The following SNX13 variants were observed in gnomAD, a reference collection of about 807,000 sequenced individuals.
SNX13 encodes the protein sorting nexin 13.
A neutral mutation model predicts 133.6 loss-of-function variants in SNX13; 45 were observed. That is an observed-to-expected ratio of 0.34 (90% CI 0.27 to 0.43). The LOEUF is 0.43. Among genes scored for constraint, SNX13 ranks in the 20% least tolerant of loss-of-function variants. SNX13 has a pLI of 1.00. For synonymous variants in SNX13, 414 were observed against 373.9 expected (o/e 1.11, Z -1.24); for missense variants, 1,032 against 1,145.1 (o/e 0.90, Z 1.43).
rs1033449787 is a variant in SNX13, at chr7:17,883,613, C to A, written c.440+6750G>T. On this transcript the variant is annotated intron_variant, in intron 5 of 25. Transcript: ENST00000428135. ...TTCTGGGATACATGTGCTGAATGTGCACGTTTGTTACACAGGTATACACGT... is the reference window on the plus strand; with the variant it reads ...TTCTGGGATACATGTGCTGAATGTGAACGTTTGTTACACAGGTATACACGT... 2.6e-5 allele frequency among the ~76,000 whole-genome samples: 4 copies of A among 151,986 alleles called. No homozygotes were observed. In the East Asian group the frequency reaches 7.7e-4, roughly 29 times the overall value.
chr7:17,796,233 C>T (rs1292768635), intron 25 of SNX13: 1 of 151,624 alleles, frequency 6.6e-6, no homozygotes, highest in African/African-American at 2.4e-5. Flanking sequence ...ATAGCTATAC[C>T]CTAATGAAGC....
chr7:17,890,606 G>A (rs896953686), intron 4 of SNX13, 122 bp from the exon 5 acceptor site: 1 of 589,928 alleles, frequency 1.7e-6, no homozygotes, highest in East Asian at 3.2e-5. Flanking sequence ...TTAATTTATG[G>A]TGGTAAATAC....
intron 1 of SNX13, among the ~76,000 whole-genome samples, chr7:17,923,294 T>C (rs1208390300): frequency 6.6e-6 from 1 of 152,208 alleles, no homozygotes. Flanking sequence ...TAAAACAGAC[T>C]TGTATATAGA....
intron 7 of SNX13, among the ~76,000 whole-genome samples, chr7:17,874,009 C>G (rs569184416): frequency 6.6e-6 from 1 of 152,100 alleles, no homozygotes; most frequent in Non-Finnish European, 1.5e-5. Context: ...AAGAAAACAC[C>G]TCCATCATCT....
At chr7:17,893,213 T>C in intron 3 of SNX13, 119 bp downstream of exon 3, 6 of 589,558 alleles carry the variant, frequency 1.0e-5, no homozygotes, top group Non-Finnish European at 1.8e-5. Context: ...CTCACATAAA[T>C]TCCCAGTGAG....
intron 1 of SNX13, among the ~76,000 whole-genome samples, chr7:17,927,480 C>T (rs1238308255): frequency 6.6e-6 from 1 of 152,092 alleles, no homozygotes; most frequent in African/African-American, 2.4e-5. Context: ...TGGGCTCAAG[C>T]AATCCTTTCA....
chr7:17,868,393 T>C lies in SNX13; in HGVS notation c.837+14A>G. On this transcript the variant is annotated intron_variant, in intron 9 of 25. Coordinates refer to ENST00000428135, the MANE Select transcript of SNX13 (RefSeq NM_015132.5). ...TATTTCTAAAACAGAGTTGTAATTT[T>C]AAAAGGCACCTACCATCCATATGAC... The C allele has an allele frequency of 6.4e-7, 1 of 1,573,368 alleles. No homozygotes were observed.
At chr7:17,856,289 T>A (rs950206821) in intron 9 of SNX13, among the ~76,000 whole-genome samples, 1 of 152,210 alleles carries the variant, frequency 6.6e-6, no homozygotes, top group African/African-American at 2.4e-5. Context: ...TTTGTAAGCC[T>A]CATGGTAATG....
chr7:17,856,235 T>C (rs1426011687), intron 9 of SNX13, among the ~76,000 whole-genome samples: 5 of 152,266 alleles, frequency 3.3e-5, no homozygotes, highest in African/African-American at 1.2e-4. Context: ...TCAAAGTTAA[T>C]TTGTCATCAG....
At chr7:17,835,048 T>C (rs1231311758) in intron 13 of SNX13, among the ~76,000 whole-genome samples, 183 bp from the exon 14 acceptor site, 1 of 151,928 alleles carries the variant, frequency 6.6e-6, no homozygotes, top group Non-Finnish European at 1.5e-5. Flanking sequence ...CTTCCTCATG[T>C]ACTCTTCCTC....
intron 1 of SNX13, among the ~76,000 whole-genome samples, chr7:17,926,542 A>T (rs1050518461): frequency 2.0e-5 from 3 of 152,220 alleles, no homozygotes; most frequent in African/African-American, 7.2e-5. Flanking sequence ...TATGCAACAA[A>T]ATATTATAAT....
chr7:17,864,430 A>T (rs753162019), intron 9 of SNX13, among the ~76,000 whole-genome samples: 1 of 152,168 alleles, frequency 6.6e-6, no homozygotes, highest in Non-Finnish European at 1.5e-5. Context: ...CAAAAGGAAG[A>T]ACCGAGCTAA....
intron 11 of SNX13, 45 bp downstream of exon 11, chr7:17,850,302 T>G (rs1029767551): frequency 9.1e-6 from 12 of 1,311,974 alleles, no homozygotes; most frequent in African/African-American, 1.5e-5. Flanking sequence ...ATCCCTATAG[T>G]ATAGTATTTA....
intron 9 of SNX13, among the ~76,000 whole-genome samples, chr7:17,854,465 G>A (rs889963860): frequency 2.0e-5 from 3 of 151,928 alleles, no homozygotes; most frequent in African/African-American, 7.3e-5. Flanking sequence ...ATCACACTGT[G>A]TTTTTTTTAA....
At chr7:17,861,836 G>A (rs755927959) in intron 9 of SNX13, among the ~76,000 whole-genome samples, 16 of 152,174 alleles carry the variant, frequency 1.1e-4, no homozygotes, top group Non-Finnish European at 2.4e-4. Context: ...GACCTCCGAA[G>A]TGCCCACTTG....
chr7:17,802,888 A>T (rs1784786441), intron 21 of SNX13, among the ~76,000 whole-genome samples: 1 of 127,992 alleles, frequency 7.8e-6, no homozygotes, highest in Admixed American at 8.6e-5. Flanking sequence ...AATGTAATTA[A>T]AAAAAAAATC....
At chr7:17,913,784 A>C (rs2691573) in intron 1 of SNX13, among the ~76,000 whole-genome samples, 55,990 of 139,968 alleles carry the variant, frequency 0.4, 11,842 homozygotes, top group South Asian at 0.6. Flanking sequence ...AAAAAAAAAG[A>C]AGCAGCATCG....
chr7:17,930,131 GAAATAAGAATAA>G (rs1801231043), intron 1 of SNX13, among the ~76,000 whole-genome samples: 1 of 34,346 alleles, frequency 2.9e-5, no homozygotes, highest in African/African-American at 9.3e-5. Context: ...TAAGAATAAA[GAAATAAGAATAA>G]AGATTTATTG....
At chr7:17,814,318 C>T (rs1786403011) in intron 20 of SNX13, among the ~76,000 whole-genome samples, 1 of 152,134 alleles carries the variant, frequency 6.6e-6, no homozygotes, top group Admixed American at 6.5e-5. Context: ...GATTTCAAAG[C>T]TTGTGTTCTT....
Sources: gnomAD v4.1 joint callset for allele counts (sites outside exome capture counted in the v4.1 genomes callset) on GRCh38, gnomAD v4.1.1 for gene constraint, MANE v1.5 for transcripts, NCBI Gene and HGNC (gene_info 2026-07-23, HGNC 2026-07-21) for gene names.